Variants in NUP160 observed in about 807,000 individuals in gnomAD.
NUP160 encodes nuclear pore complex protein Nup160.
NUP160 carries 94 observed loss-of-function variants against 196.9 expected under a neutral mutation model. The ratio of observed to expected loss-of-function variants is 0.48; its 90% CI spans 0.40 to 0.57. The LOEUF (loss-of-function observed/expected upper bound fraction) is 0.57. Ranked by LOEUF, NUP160 falls within the 20% of genes least tolerant of loss-of-function variation. The pLI, the probability that NUP160 is intolerant of heterozygous loss-of-function variation, is 0.00. For synonymous variants in NUP160, 605 were observed against 619.7 expected (o/e 0.98, Z 0.35); for missense variants, 1,638 against 1,748.3 (o/e 0.94, Z 1.13).
At chr11:47,798,181 G>A (rs1289460149) in exon 25 of NUP160, 1 of 1,610,742 alleles carries the variant, frequency 6.2e-7, no homozygotes, top group African/African-American at 1.3e-5. Flanking sequence ...CTGGAATCAG[G>A]AATTTGGGTT....
At chr11:47,826,503 G>A (rs1192038381) in intron 7 of NUP160, among the ~76,000 whole-genome samples, 1 of 151,952 alleles carries the variant, frequency 6.6e-6, no homozygotes, top group Admixed American at 6.6e-5. Context: ...CTCAAAATGT[G>A]GTCCACAGAT....
At chr11:47,796,985 G>A (rs369170074) in intron 27 of NUP160, among the ~76,000 whole-genome samples, 8 of 152,114 alleles carry the variant, frequency 5.3e-5, no homozygotes, top group African/African-American at 1.2e-4. Context: ...GGGCCACCGC[G>A]CCCAACCCTA....
At chr11:47,780,875 T>G (rs971536398) in intron 34 of NUP160, among the ~76,000 whole-genome samples, 5 of 152,154 alleles carry the variant, frequency 3.3e-5, no homozygotes, top group Non-Finnish European at 7.3e-5. Flanking sequence ...TGTATACATG[T>G]GCATGCACAC....
At chr11:47,847,171 T>C (rs951974604) in intron 2 of NUP160, among the ~76,000 whole-genome samples, 43 of 152,128 alleles carry the variant, frequency 2.8e-4, no homozygotes, top group African/African-American at 9.2e-4. Context: ...CGCCACATTC[T>C]TTCCACTTCA....
chr11:47,819,272 C>A (rs1011748609), intron 10 of NUP160, 102 bp downstream of exon 10: 19 of 791,388 alleles, frequency 2.4e-5, no homozygotes, highest in Non-Finnish European at 3.4e-5. Flanking sequence ...AAGATCATGC[C>A]ACTGTACCCC....
At chr11:47,847,771 G>C (rs1852428474) in intron 2 of NUP160, 77 bp downstream of exon 2, 1 of 898,072 alleles carries the variant, frequency 1.1e-6, no homozygotes, top group Non-Finnish European at 1.9e-6. Context: ...TTCTAGAATA[G>C]CACTTTGGGT....
intron 27 of NUP160, among the ~76,000 whole-genome samples, chr11:47,795,146 A>G (rs1035536876): frequency 1.3e-5 from 2 of 152,178 alleles, no homozygotes; most frequent in African/African-American, 4.8e-5. Context: ...TTAGTTGCAC[A>G]TATTCAATAA....
At chr11:47,812,915 T>A in exon 15 of NUP160, 1 of 1,613,602 alleles carries the variant, frequency 6.2e-7, no homozygotes, top group Non-Finnish European at 8.5e-7. Flanking sequence ...CAGAATCTGC[T>A]CTGCAGCCTT....
chr11:47,831,328 G>T (rs1212769372), intron 7 of NUP160, among the ~76,000 whole-genome samples: 6 of 151,966 alleles, frequency 3.9e-5, no homozygotes, highest in African/African-American at 1.5e-4. Context: ...TACCCACTAG[G>T]ATATCTAGAA....
chr11:47,794,401 G>A (rs1313509099), intron 27 of NUP160, among the ~76,000 whole-genome samples: 2 of 152,162 alleles, frequency 1.3e-5, no homozygotes, highest in African/African-American at 4.8e-5. Context: ...CGTGAACCCG[G>A]GAGGTGGAGT....
chr11:47,806,987 G>T, intron 19 of NUP160, 83 bp downstream of exon 19: 1 of 979,092 alleles, frequency 1.0e-6, no homozygotes, highest in Non-Finnish European at 1.6e-6. Flanking sequence ...CCTTTCTATG[G>T]CAAAGGTGGC....
intron 18 of NUP160, 76 bp from the exon 19 acceptor site, chr11:47,807,216 G>C: frequency 1.2e-6 from 1 of 864,598 alleles, no homozygotes; most frequent in Non-Finnish European, 1.9e-6. Context: ...CTTCTACGAA[G>C]AACACTGTCA....
chr11:47,798,444 A>G, exon 24 of NUP160: 1 of 1,598,834 alleles, frequency 6.3e-7, no homozygotes, highest in Non-Finnish European at 8.6e-7. Flanking sequence ...CAAACCAATG[A>G]CATCTAGTAG....
At chr11:47,784,097 TTC>T (rs1181575601) in intron 33 of NUP160, among the ~76,000 whole-genome samples, 1 of 152,230 alleles carries the variant, frequency 6.6e-6, no homozygotes, top group East Asian at 1.9e-4. Context: ...GCTTTAGATT[TTC>T]TCTTTCCTTA....
chr11:47,837,628 A>C lies in NUP160; in HGVS notation c.749-5T>G, dbSNP rs200862348. ...GTTCCACGACTGACACCATACCTGC[A>C]ATGATATCCAAGGCACCTCTTGAAC... On this transcript the variant is annotated splice_polypyrimidine_tract_variant and splice_region_variant and intron_variant, in intron 4 of 35. Transcript: ENST00000378460. 3 of 1,612,230 alleles carry C rather than the reference A, an allele frequency of 1.9e-6. No homozygotes were observed. The highest frequency in any genetic ancestry group is 2.5e-6 in the Non-Finnish European group (3 of 1,178,254).
chr11:47,788,432 A>G, intron 30 of NUP160, 69 bp downstream of exon 30: 1 of 1,541,828 alleles, frequency 6.5e-7, no homozygotes, highest in South Asian at 1.1e-5. Context: ...CATGCTACAT[A>G]CACTGCCTGG....
At chr11:47,819,243 G>A (rs937545934) in intron 10 of NUP160, 131 bp downstream of exon 10, 1 of 620,274 alleles carries the variant, frequency 1.6e-6, no homozygotes, top group African/African-American at 1.9e-5. Context: ...AACCTGGGAG[G>A]CAGAGGTTGC....
intron 32 of NUP160, among the ~76,000 whole-genome samples, chr11:47,786,192 G>A (rs534238478): frequency 2.0e-5 from 3 of 152,302 alleles, no homozygotes; most frequent in South Asian, 2.1e-4. Context: ...TTGCCTGTAA[G>A]AGTACCCTTT....
chr11:47,788,193 C>G, exon 31 of NUP160: 1 of 1,612,218 alleles, frequency 6.2e-7, no homozygotes, highest in South Asian at 1.1e-5. Flanking sequence ...TGAAGGCAAG[C>G]CCTTCAAAGA....
Sources: allele counts gnomAD v4.1 joint callset (sites outside exome capture counted in the v4.1 genomes callset), GRCh38; gene constraint gnomAD v4.1.1; transcripts MANE v1.5; gene names NCBI Gene and HGNC (gene_info 2026-07-23, HGNC 2026-07-21).